The following RPN1 variants were observed in gnomAD, a reference collection of about 807,000 sequenced individuals.
RPN1 encodes dolichyl-diphosphooligosaccharide--protein glycosyltransferase subunit 1.
RPN1 carries 12 observed loss-of-function variants against 55.5 expected under a neutral mutation model. That is an observed-to-expected ratio of 0.22 (90% confidence interval 0.14 to 0.35). RPN1 has a LOEUF of 0.35. RPN1 is among the 10% of genes least tolerant of loss of function. RPN1 has a pLI of 1.00. For missense variants in RPN1, 679 were observed against 761.3 expected (o/e 0.89, Z 1.27); for synonymous variants, 317 against 305.9 (o/e 1.04, Z -0.38).
In RPN1 at chr3:128,620,247, G is replaced by C; in HGVS notation, c.*164C>G. ...AAAAAAAGAAAGTTAAGGACAAACG[G>C]CAAACTCACACTGCCTGACGCAGGG... is the stretch of plus-strand genomic sequence containing the variant. On this transcript the variant is annotated 3_prime_UTR_variant, in exon 10 of 10. Transcript: ENST00000296255. The C allele has an allele frequency of 2.3e-6, 1 of 443,026 alleles. No homozygotes were observed. The highest frequency in any genetic ancestry group is 4.4e-5 in the Admixed American group (1 of 22,872). 27.4% of individuals were successfully genotyped at this position (443,026 alleles called of 1,614,324 possible). A position where few individuals can be genotyped will look rare whatever the true frequency, so the allele number is the denominator to read the frequency against.
Position 128,632,153 on chromosome 3 carries a change from G to A in RPN1, c.638C>T (p.Thr213Ile). 2 of 1,614,146 alleles carry A rather than the reference G, an allele frequency of 1.2e-6. No individual in the cohort carries two copies. Among genetic ancestry groups the A allele is most frequent in the East Asian group, 2.2e-5 (1 of 44,878 alleles). Residue 213 changes from threonine (T) to isoleucine (I), a missense_variant, in exon 4 of 10, where the codon ACT (threonine) becomes ATT (isoleucine). Coordinates refer to ENST00000296255, the MANE Select transcript of RPN1 (RefSeq NM_002950.4). ...GTTGTTCTCATAATGTACTTTAAAA[G>A]TATCCTGGAAGGAAGGAAACAAATA... ...FRDVPAYSQDTFKVHYENNSP... is the reference protein window; with the variant it reads ...FRDVPAYSQDIFKVHYENNSP...
At chr3:128,641,712 G>A (rs1198184046) in intron 2 of RPN1, among the ~76,000 whole-genome samples, 1 of 150,114 alleles carries the variant, frequency 6.7e-6, no homozygotes, top group Admixed American at 6.7e-5. Context: ...CGGTTCAAGT[G>A]GTTCTCCTGC....
intron 4 of RPN1, among the ~76,000 whole-genome samples, chr3:128,630,471 C>T (rs1238998487): frequency 6.6e-6 from 1 of 152,032 alleles, no homozygotes; most frequent in African/African-American, 2.4e-5. Context: ...AGATAGAAGA[C>T]GGAAGAAATT....
At position 128,625,684 on chromosome 3, in the gene RPN1, G is replaced by A. The variant is rs767185209; in HGVS notation, c.1276-31C>T. On this transcript the variant is annotated intron_variant, in intron 7 of 9. Transcript: ENST00000296255. ...AGAAGCAAGAGGACAGGCTTCATCG[G>A]GGCTGTAGGGACATGGGAGCCTAGA... 3 of 1,613,214 alleles carry A rather than the reference G, an allele frequency of 1.9e-6. No individual in the cohort carries two copies. The Admixed American group carries it at 5.0e-5, about 27-fold the overall frequency.
chr3:128,646,263 T>C (rs924399941), intron 1 of RPN1, among the ~76,000 whole-genome samples: 7 of 151,900 alleles, frequency 4.6e-5, no homozygotes, highest in Admixed American at 1.3e-4. Context: ...GGTTTTTATT[T>C]TTGTAGAGAC....
chr3:128,644,164 C>T (rs188276552), intron 2 of RPN1, among the ~76,000 whole-genome samples: 10 of 152,290 alleles, frequency 6.6e-5, no homozygotes, highest in Middle Eastern at 3.4e-3. Context: ...CTGAGGCAAA[C>T]AGCTTGGAGT....
intron 4 of RPN1, among the ~76,000 whole-genome samples, chr3:128,631,508 A>C (rs1157460149): frequency 6.6e-6 from 1 of 151,562 alleles, no homozygotes; most frequent in Non-Finnish European, 1.5e-5. Context: ...AAGAGAAGCC[A>C]AGGCAGGTGG....
At chr3:128,633,274 G>GGA (rs1381448869) in intron 3 of RPN1, among the ~76,000 whole-genome samples, 2 of 151,158 alleles carry the variant, frequency 1.3e-5, no homozygotes, top group African/African-American at 4.9e-5. Flanking sequence ...CACCCAGGCT[G>GGA]GAGTACAGTG....
intron 5 of RPN1, among the ~76,000 whole-genome samples, chr3:128,628,303 A>G (rs1274534727): frequency 1.3e-5 from 2 of 152,222 alleles, no homozygotes; most frequent in Admixed American, 6.5e-5. Flanking sequence ...AGAAAAAAAA[A>G]AAAGAAAAAT....
Position 128,622,159 on chromosome 3 carries a change from C to T in RPN1, c.1641+5G>A, listed in dbSNP as rs776535539. The T allele has an allele frequency of 3.4e-5, 55 of 1,613,740 alleles. No homozygotes were observed. Among genetic ancestry groups the T allele is most frequent in the Non-Finnish European group, 4.4e-5 (52 of 1,179,766 alleles). ...CCAAGCAACTCTGTGACGCCCGACA[C>T]TTACTCTGTCGCACAGATCAGAGCC... On this transcript the variant is annotated splice_donor_5th_base_variant and intron_variant, in intron 9 of 9. Coordinates refer to ENST00000296255, the MANE Select transcript of RPN1 (RefSeq NM_002950.4).
chr3:128,634,113 G>A (rs1291431683), intron 3 of RPN1, among the ~76,000 whole-genome samples: 1 of 152,038 alleles, frequency 6.6e-6, no homozygotes, highest in African/African-American at 2.4e-5. Flanking sequence ...ATCACTTGAG[G>A]TCAGGAGTTT....
chr3:128,625,788 A>G, intron 7 of RPN1, 86 bp downstream of exon 7: 1 of 1,558,538 alleles, frequency 6.4e-7, no homozygotes, highest in South Asian at 1.2e-5. Context: ...ACTCCAGCCC[A>G]AGGAGGGACA....
chr3:128,621,573 CAG>C (rs2069559938), intron 9 of RPN1, among the ~76,000 whole-genome samples: 1 of 152,176 alleles, frequency 6.6e-6, no homozygotes, highest in African/African-American at 2.4e-5. Flanking sequence ...AGGGAGTGGA[CAG>C]GGGAGTCAGT....
At chr3:128,632,825 C>T (rs2069651233) in intron 3 of RPN1, among the ~76,000 whole-genome samples, 1 of 152,198 alleles carries the variant, frequency 6.6e-6, no homozygotes, top group Admixed American at 6.5e-5. Context: ...GAACCCCTGA[C>T]CTCAGGTGAT....
chr3:128,625,492 C>A (rs765113281), intron 8 of RPN1, 42 bp downstream of exon 8: 1 of 1,613,546 alleles, frequency 6.2e-7, no homozygotes, highest in African/African-American at 1.3e-5. Flanking sequence ...GAAATATTAC[C>A]AAGGACACAA....
intron 2 of RPN1, chr3:128,642,383 C>T (rs1308147207): frequency 2.6e-5 from 4 of 152,080 alleles, no homozygotes; most frequent in African/African-American, 7.2e-5. Flanking sequence ...AGAAAGACAA[C>T]TATGAAGATA....
At chr3:128,632,179 G>A in intron 3 of RPN1, 22 bp from the exon 4 acceptor site, 1 of 1,612,114 alleles carries the variant, frequency 6.2e-7, no homozygotes, top group Non-Finnish European at 8.5e-7. Flanking sequence ...GAAACAAATA[G>A]TTCAAAGTTT....
In RPN1 at chr3:128,629,984, T is replaced by A; in HGVS notation, c.1003A>T (p.Asn335Tyr). 6.2e-7 allele frequency: 1 copy of A among 1,613,246 alleles called. No homozygotes were observed. Among genetic ancestry groups the A allele is most frequent in the Non-Finnish European group, 8.5e-7 (1 of 1,179,290 alleles). The change falls in exon 5 of 10, where the codon AAC becomes TAC. Residue 335 changes from asparagine to tyrosine, a missense_variant. This residue lies in a region of RPN1 where 306 missense variants were observed against 360.0 expected (regional missense o/e 0.85). Transcript: ENST00000296255. ...GWKTHYIVGY[N>Y]LPSYEYLYNL... ...TAGAGGTACTCATAGCTTGGGAGGT[T>A]GTAGCCAACGATGTAATGGGTCTTC...
At chr3:128,645,654 G>A (rs866745444) in intron 1 of RPN1, among the ~76,000 whole-genome samples, 35 of 149,852 alleles carry the variant, frequency 2.3e-4, no homozygotes, top group Middle Eastern at 3.7e-3. Flanking sequence ...CCGTCTCTAC[G>A]AAAAATACAA....
Sources: gnomAD v4.1 joint callset for allele counts (sites outside exome capture counted in the v4.1 genomes callset) on GRCh38, gnomAD v4.1.1 for gene constraint, gnomAD v4.1.1 regional missense constraint, MANE v1.5 for transcripts, NCBI Gene and HGNC (gene_info 2026-07-23, HGNC 2026-07-21) for gene names.